The following RCC1L variants were observed in gnomAD, a reference collection of about 807,000 sequenced individuals.
RCC1L encodes the protein RCC1-like G exchanging factor-like protein.
RCC1L carries 46 observed loss-of-function variants against 58.6 expected under a neutral mutation model. The ratio of observed to expected loss-of-function variants is 0.79; its 90% CI spans 0.62 to 1.00. RCC1L has a LOEUF of 1.00. Among genes scored for constraint, RCC1L ranks in the 50% least tolerant of loss-of-function variants. The probability of loss-of-function intolerance (pLI) is 0.00; values close to 1 mark genes in which losing one functional copy is unlikely to be tolerated. For synonymous variants in RCC1L, 281 were observed against 262.9 expected (o/e 1.07, Z -0.67); for missense variants, 636 against 623.6 (o/e 1.02, Z -0.21).
intron 3 of RCC1L, among the ~76,000 whole-genome samples, chr7:75,065,307 C>T (rs1251804408): frequency 6.6e-6 from 1 of 152,106 alleles, no homozygotes; most frequent in Non-Finnish European, 1.5e-5. Flanking sequence ...GTAATCTCAG[C>T]TTTTTGGGAG....
intron 7 of RCC1L, 51 bp from the exon 8 acceptor site, chr7:75,057,667 CG>C: frequency 6.3e-7 from 1 of 1,576,746 alleles, no homozygotes; most frequent in South Asian, 1.1e-5. Context: ...CAGTAAGGAC[CG>C]GGAAGTGTTC....
intron 1 of RCC1L, among the ~76,000 whole-genome samples, chr7:75,071,283 T>C (rs12111654): frequency 0.034 from 5,241 of 152,234 alleles, 259 homozygotes; most frequent in African/African-American, 0.11. Context: ...ACCATAAATA[T>C]AGTCTATTTA....
intron 10 of RCC1L, among the ~76,000 whole-genome samples, chr7:75,052,025 A>G (rs1805929272): frequency 6.6e-6 from 1 of 152,152 alleles, no homozygotes; most frequent in East Asian, 1.9e-4. Flanking sequence ...GAATGCCTTA[A>G]AGAACTGACT....
chr7:75,056,568 C>A, intron 8 of RCC1L: 1 of 1,531,736 alleles, frequency 6.5e-7, no homozygotes, highest in African/African-American at 1.4e-5. Context: ...TCATCGTTAT[C>A]CAAAGCTGAA....
chr7:75,050,893 A>T lies in RCC1L; in HGVS notation c.1317+1818T>A, dbSNP rs587648083. On this transcript the variant is annotated intron_variant, in intron 10 of 10. Transcript: ENST00000610322. Reference sequence around the variant, plus strand: ...GATTGCTTGAAGCCGGAAGTTTGAGACCAGCCTGGGCAACATAGTGAGACT... The same window carrying T: ...GATTGCTTGAAGCCGGAAGTTTGAGTCCAGCCTGGGCAACATAGTGAGACT... 3.3e-3 allele frequency among the ~76,000 whole-genome samples: 496 copies of T among 152,092 alleles called. 1 individual carries two copies. Among genetic ancestry groups the T allele is most frequent in the Non-Finnish European group, 5.4e-3 (367 of 67,962 alleles).
At position 75,030,723 on chromosome 7, in the gene RCC1L, T is replaced by A. The variant is rs1483702885; in HGVS notation, c.1318-2644A>T. Among the ~76,000 whole-genome samples, 14 of 152,214 alleles carry A rather than the reference T, an allele frequency of 9.2e-5. No individual in the cohort carries two copies. In the East Asian group the frequency reaches 2.7e-3, roughly 29 times the overall value. ...AGGGCCCAGGGTAAAAGCCAACGTG[T>A]TATTTTTATCCCTAGCCTCAGAATT... On this transcript the variant is annotated intron_variant, in intron 10 of 10. Coordinates refer to the RCC1L transcript ENST00000614461.
chr7:75,072,171 T>TATATAC lies in RCC1L; in HGVS notation c.324+1242_324+1243insGTATAT, dbSNP rs1806776981. Among the ~76,000 whole-genome samples, 332 of 87,044 alleles carry TATATAC rather than the reference T, an allele frequency of 3.8e-3. 17 individuals are homozygous for TATATAC. The highest frequency in any genetic ancestry group is 0.013 in the African/African-American group (311 of 24,454). The allele number at this position is 87,044 out of a possible 152,430, so 57.1% of individuals were successfully genotyped here. On this transcript the variant is annotated intron_variant, in intron 1 of 10. Coordinates refer to ENST00000610322, the MANE Select transcript of RCC1L (RefSeq NM_030798.5). ...ATACATATACATATACATATATATATATATATATATATATATATATGGAGA... is the reference window on the plus strand; with the variant it reads ...ATACATATACATATACATATATATATATATACATATATATATATATATATATGGAGA...
intron 10 of RCC1L, among the ~76,000 whole-genome samples, chr7:75,051,123 T>C (rs1485610707): frequency 6.7e-6 from 1 of 150,348 alleles, no homozygotes; most frequent in African/African-American, 2.4e-5. Context: ...AAAACAAAGT[T>C]AAAGTCTCCA....
chr7:75,068,501 C>T (rs782323883), intron 2 of RCC1L, among the ~76,000 whole-genome samples: 2 of 152,062 alleles, frequency 1.3e-5, no homozygotes, highest in African/African-American at 2.4e-5. Flanking sequence ...ACCTGGCCAA[C>T]GTGGTGAAAC....
At chr7:75,028,248 G>A (rs1805192902) in intron 10 of RCC1L, among the ~76,000 whole-genome samples, 2 of 151,564 alleles carry the variant, frequency 1.3e-5, no homozygotes, top group Non-Finnish European at 2.9e-5. Flanking sequence ...GGCCTCCCAA[G>A]TAGGTGAGAT....
chr7:75,033,331 G>A (rs1459758133), intron 10 of RCC1L, among the ~76,000 whole-genome samples: 3 of 152,130 alleles, frequency 2.0e-5, no homozygotes, highest in Admixed American at 6.5e-5. Flanking sequence ...AGGGAGGGAC[G>A]GGAGAGTTAG....
chr7:75,052,681 C>A, intron 10 of RCC1L, 30 bp downstream of exon 10: 1 of 1,590,104 alleles, frequency 6.3e-7, no homozygotes, highest in Non-Finnish European at 8.6e-7. Context: ...TCTTAGCATC[C>A]ATTCTCAAGA....
intron 10 of RCC1L, among the ~76,000 whole-genome samples, chr7:75,045,859 CTGGCTTGGCCGGA>C (rs1805704429): frequency 6.6e-6 from 1 of 152,352 alleles, no homozygotes; most frequent in East Asian, 1.9e-4. Flanking sequence ...GTGACCCTGC[CTGGCTTGGCCGGA>C]AGACCCCTGC....
chr7:75,065,597 A>G (rs1354534941), intron 3 of RCC1L, among the ~76,000 whole-genome samples: 1 of 152,060 alleles, frequency 6.6e-6, no homozygotes, highest in Non-Finnish European at 1.5e-5. Context: ...ATGTGATCAC[A>G]TTGACCTTTC....
At chr7:75,057,731 T>C in intron 7 of RCC1L, 115 bp from the exon 8 acceptor site, 3 of 912,298 alleles carry the variant, frequency 3.3e-6, no homozygotes, top group Admixed American at 3.9e-5. Context: ...ACTCCACAGA[T>C]ACTTCCTGAA....
chr7:75,041,466 G>A (rs1046369584), downstream of RCC1L, among the ~76,000 whole-genome samples: 4 of 152,136 alleles, frequency 2.6e-5, no homozygotes, highest in South Asian at 2.1e-4. Context: ...TTAAAGGAAC[G>A]AGGTAAAGGC....
intron 10 of RCC1L, among the ~76,000 whole-genome samples, chr7:75,043,340 C>A (rs1407588409): frequency 6.6e-6 from 1 of 152,188 alleles, no homozygotes; most frequent in Non-Finnish European, 1.5e-5. Flanking sequence ...AGGACAACTG[C>A]GTGTGGTCAT....
chr7:75,053,006 T>C (rs1805962551), intron 9 of RCC1L, among the ~76,000 whole-genome samples: 1 of 150,162 alleles, frequency 6.7e-6, no homozygotes, highest in Non-Finnish European at 1.5e-5. Context: ...GGCCAGGACT[T>C]CTGCTGCATC....
chr7:75,072,387 T>C (rs1185619071), intron 1 of RCC1L, among the ~76,000 whole-genome samples: 2 of 151,520 alleles, frequency 1.3e-5, no homozygotes, highest in Non-Finnish European at 2.9e-5. Flanking sequence ...TTATTATATT[T>C]TCTATTTCTT....
Sources: gnomAD v4.1 joint callset for allele counts (sites outside exome capture counted in the v4.1 genomes callset) on GRCh38, gnomAD v4.1.1 for gene constraint, MANE v1.5 for transcripts, NCBI Gene and HGNC (gene_info 2026-07-23, HGNC 2026-07-21) for gene names.